The following RAD9A variants were observed in gnomAD, a reference collection of about 807,000 sequenced individuals.
RAD9A encodes the protein RAD9 checkpoint clamp component A, also known as cell cycle checkpoint control protein RAD9A.
RAD9A carries 25 observed loss-of-function variants against 41.2 expected under a neutral mutation model. The observed-to-expected ratio is 0.61, with a 90% CI of 0.44 to 0.85. The LOEUF (loss-of-function observed/expected upper bound fraction) is 0.85, where lower values mean the gene tolerates loss of function less well. Among genes scored for constraint, RAD9A ranks in the 40% least tolerant of loss-of-function variants. The pLI is 0.00. For missense variants in RAD9A, 514 were observed against 518.3 expected, an observed-to-expected ratio of 0.99 and a Z score of 0.08; for synonymous variants, 252 against 210.6, an observed-to-expected ratio of 1.20 and a Z score of -1.70.
chr11:67,396,070 A>G, intron 7 of RAD9A, 41 bp from the exon 8 acceptor site: 6 of 1,613,350 alleles, frequency 3.7e-6, no homozygotes, highest in Non-Finnish European at 4.2e-6. Context: ...TGCCCAGCTC[A>G]GCCCAGCCCG....
intron 5 of RAD9A, among the ~76,000 whole-genome samples, chr11:67,395,505 T>C (rs1435668594): frequency 1.3e-5 from 2 of 152,294 alleles, no homozygotes; most frequent in South Asian, 2.1e-4. Context: ...CTGGGCCCTC[T>C]CCCTGGTCTG....
chr11:67,397,713 T>C lies in RAD9A; in HGVS notation c.*154T>C, dbSNP rs1381436153. On this transcript the variant is annotated 3_prime_UTR_variant, in exon 11 of 11. Transcript: ENST00000307980. ...CTCGCAGGCCCCAGCTGGCTGTCAC[T>C]GTAAAGCTGTCCCACAGCGGTCGGG... is the stretch of plus-strand genomic sequence containing the variant. The C allele has an allele frequency of 2.7e-5, 19 of 709,418 alleles. No individual in the cohort carries two copies. The highest frequency in any genetic ancestry group is 4.1e-5 in the Non-Finnish European group (18 of 434,948). The allele number at this position is 709,418 out of a possible 1,614,324, so 43.9% of individuals were successfully genotyped here.
chr11:67,394,194 C>T (rs1790730), intron 5 of RAD9A, among the ~76,000 whole-genome samples: 15,487 of 152,300 alleles, frequency 0.1, 2,521 homozygotes, highest in African/African-American at 0.34. Flanking sequence ...ACCCCTTCTC[C>T]GGCCTGGGCA....
chr11:67,396,922 TAGCTGAGCTA>T (rs1862720223), intron 9 of RAD9A, among the ~76,000 whole-genome samples: 1 of 152,150 alleles, frequency 6.6e-6, no homozygotes, highest in African/African-American at 2.4e-5. Flanking sequence ...TCCTCCCTCC[TAGCTGAGCTA>T]AGGTAGCCCC....
rs762701313 is a variant in RAD9A, at chr11:67,395,988, G to C, written c.636G>C (p.Gly212=). The C allele has an allele frequency of 1.2e-6, 2 of 1,614,128 alleles. No homozygotes were observed. Among genetic ancestry groups the C allele is most frequent in the Non-Finnish European group, 1.7e-6 (2 of 1,180,024 alleles). The change falls in exon 7 of 11, where the codon GGG becomes GGC. Residue 212 remains glycine (G), a synonymous_variant. Coordinates refer to ENST00000307980, the MANE Select transcript of RAD9A (RefSeq NM_004584.3). ...TCCAGCAGCTGCAGGCCCAGGAAGGGGTGGCCATCACTTTCTGCCTCAAGG... is the reference window on the plus strand; with the variant it reads ...TCCAGCAGCTGCAGGCCCAGGAAGGCGTGGCCATCACTTTCTGCCTCAAGG... ...EDFQQLQAQE[G]VAITFCLKEF... is the part of the protein sequence containing the mutation.
At position 67,397,258 on chromosome 11, in the gene RAD9A, G is replaced by T. The variant is rs746104003; in HGVS notation, c.952G>T (p.Gly318Cys). Residue 318 changes from glycine to cysteine, a missense_variant, in exon 10 of 11, where the codon GGC becomes TGC. Transcript: ENST00000307980. ...CATGGAAACCACTATAGGCAATGAG[G>T]GCTCGCGGGTGCTGCCCTCCATTTC... ...IAMETTIGNEGSRVLPSISLS... is the reference protein window; with the variant it reads ...IAMETTIGNECSRVLPSISLS... 3 of 1,612,914 alleles carry T rather than the reference G, an allele frequency of 1.9e-6. No homozygotes were observed. The highest frequency in any genetic ancestry group is 1.7e-5 in the Admixed American group (1 of 60,014).
intron 10 of RAD9A, 36 bp from the exon 11 acceptor site, chr11:67,397,428 G>A (rs1862743901): frequency 1.3e-6 from 2 of 1,591,792 alleles, no homozygotes; most frequent in African/African-American, 1.3e-5. Flanking sequence ...GGTAGGGAAG[G>A]GAGCAGCCTC....
At chr11:67,397,109 G>C in intron 9 of RAD9A, 70 bp from the exon 10 acceptor site, 3 of 1,249,208 alleles carry the variant, frequency 2.4e-6, no homozygotes, top group Admixed American at 3.5e-5. Context: ...AGCTCCCTTC[G>C]AGCCCTCCAA....
chr11:67,392,223 G>GGT lies in RAD9A; in HGVS notation c.97_98insGT (p.Glu33GlyfsTer10). ...GGACGAGCTCTACCTGGAACCCTTGGAGGACGGGGTGAGGGGCTAGGGTGT... is the reference window on the plus strand; with the variant it reads ...GGACGAGCTCTACCTGGAACCCTTGGGTAGGACGGGGTGAGGGGCTAGGGTGT... On this transcript the variant is annotated frameshift_variant, in exon 2 of 11. Coordinates refer to ENST00000307980, the MANE Select transcript of RAD9A (RefSeq NM_004584.3). LOFTEE classifies it high-confidence loss of function. The GGT allele has an allele frequency of 7.1e-7, 1 of 1,402,874 alleles. No individual in the cohort carries two copies. Among genetic ancestry groups the GGT allele is most frequent in the Non-Finnish European group, 9.8e-7 (1 of 1,018,048 alleles). The allele number at this position is 1,402,874 out of a possible 1,614,324, so 86.9% of individuals were successfully genotyped here. A position where few individuals can be genotyped will look rare whatever the true frequency, so the allele number is the denominator to read the frequency against.
rs376658228 is a variant in RAD9A, at chr11:67,396,040, G to A, written c.669+19G>A. 30 of 1,613,650 alleles carry A rather than the reference G, an allele frequency of 1.9e-5. No homozygotes were observed. Among genetic ancestry groups the A allele is most frequent in the South Asian group, 6.6e-5 (6 of 91,070 alleles). On this transcript the variant is annotated intron_variant, in intron 7 of 10. Coordinates refer to ENST00000307980, the MANE Select transcript of RAD9A (RefSeq NM_004584.3). ...ATTCCGGGTGAGGTTCCTCCCAGGCGCTCGCCGTCCTGTCCTCCCTGCCCA... is the reference window on the plus strand; with the variant it reads ...ATTCCGGGTGAGGTTCCTCCCAGGCACTCGCCGTCCTGTCCTCCCTGCCCA...
Position 67,392,762 on chromosome 11 carries a change from C to T in RAD9A, c.214C>T (p.Arg72Cys), listed in dbSNP as rs1356709709. ...QAATPGQDLL[R>C]CKILMKSFLS... ...AGCCACCCCTGGTCAGGACCTGCTG[C>T]GCTGTAAGATCCTGATGAAGGTGAG... The change falls in exon 3 of 11, where the codon CGC becomes TGC. Residue 72 changes from arginine to cysteine, a missense_variant. Around this residue, in one of 3 missense-constraint regions of RAD9A, gnomAD observed 268 missense variants for 279.3 expected, o/e 0.96. Transcript: ENST00000307980. 3.7e-6 allele frequency: 6 copies of T among 1,613,882 alleles called. No individual in the cohort carries two copies. The highest frequency in any genetic ancestry group is 1.1e-5 in the South Asian group (1 of 91,084).
Position 67,392,226 on chromosome 11 carries a change from G to A in RAD9A, c.100G>A (p.Asp34Asn). ...CGAGCTCTACCTGGAACCCTTGGAG[G>A]ACGGGGTGAGGGGCTAGGGTGTGGG... ...GDELYLEPLE[D>N]GLSLRTVNSS... Residue 34 changes from aspartate (D) to asparagine (N), a missense_variant, in exon 2 of 11, where the codon GAC (aspartate) becomes AAC (asparagine). This residue lies in a region of RAD9A where 268 missense variants were observed against 279.3 expected (regional missense o/e 0.96). Transcript: ENST00000307980. 2.0e-6 allele frequency: 3 copies of A among 1,494,952 alleles called. No individual in the cohort carries two copies. The highest frequency in any genetic ancestry group is 2.8e-6 in the Non-Finnish European group (3 of 1,084,330). The allele number at this position is 1,494,952 out of a possible 1,614,324, so 92.6% of individuals were successfully genotyped here.
chr11:67,395,616 C>T (rs998848965), intron 5 of RAD9A, 100 bp from the exon 6 acceptor site: 5 of 893,880 alleles, frequency 5.6e-6, no homozygotes, highest in African/African-American at 5.0e-5. Context: ...GGCCTGCGCA[C>T]ATCCGTGCGT....
intron 6 of RAD9A, 29 bp downstream of exon 6, chr11:67,395,854 G>A (rs749502762): frequency 6.2e-6 from 10 of 1,612,814 alleles, no homozygotes; most frequent in Non-Finnish European, 8.5e-6. Flanking sequence ...GCCTGGGACA[G>A]CAGAGTGGCA....
Position 67,397,634 on chromosome 11 carries a change from C to T in RAD9A, c.*75C>T, listed in dbSNP as rs1294452641. ...CAGCCAGTGGCAGAACTGGGTCTCT[C>T]AGCCCTGGGGATCAGAAAGGTGGGC... On this transcript the variant is annotated 3_prime_UTR_variant, in exon 11 of 11. Transcript: ENST00000307980. The T allele has an allele frequency of 3.7e-6, 5 of 1,334,748 alleles. No homozygotes were observed. The highest frequency in any genetic ancestry group is 2.1e-5 in the Admixed American group (1 of 47,454). The allele number at this position is 1,334,748 out of a possible 1,614,324, so 82.7% of individuals were successfully genotyped here.
At position 67,398,344 on chromosome 11, in the gene RAD9A, C is replaced by T; in HGVS notation, c.*785C>T. On this transcript the variant is annotated 3_prime_UTR_variant, in exon 11 of 11. Transcript: ENST00000307980. ...ATCCTGCTCACAGTCACCGCAGGTG[C>T]AGGCAGGAAGCAGCCCTGGGGGACT... 1.6e-6 allele frequency: 1 copy of T among 629,410 alleles called. No homozygotes were observed. Among genetic ancestry groups the T allele is most frequent in the Non-Finnish European group, 2.7e-6 (1 of 371,098 alleles). The allele number at this position is 629,410 out of a possible 1,614,324, so 39.0% of individuals were successfully genotyped here. A position where few individuals can be genotyped will look rare whatever the true frequency, so the allele number is the denominator to read the frequency against.
rs1862754014 is a variant in RAD9A, at chr11:67,397,618, G to A, written c.*59G>A. The A allele has an allele frequency of 7.0e-7, 1 of 1,430,654 alleles. No individual in the cohort carries two copies. Among genetic ancestry groups the A allele is most frequent in the Non-Finnish European group, 9.6e-7 (1 of 1,037,752 alleles). 88.6% of individuals were successfully genotyped at this position (1,430,654 alleles called of 1,614,324 possible). The stretch of plus-strand genomic sequence containing the variant: ...GGACTAGACGAAGCCCCAGCCAGTG[G>A]CAGAACTGGGTCTCTCAGCCCTGGG... On this transcript the variant is annotated 3_prime_UTR_variant, in exon 11 of 11. Transcript: ENST00000307980.
chr11:67,392,616 C>G (rs376346355), intron 2 of RAD9A, 38 bp from the exon 3 acceptor site: 3 of 1,611,174 alleles, frequency 1.9e-6, no homozygotes, highest in Non-Finnish European at 1.7e-6. Flanking sequence ...TGTGGCTGCC[C>G]CCTGACCACG....
Sources: allele counts gnomAD v4.1 joint callset (sites outside exome capture counted in the v4.1 genomes callset), GRCh38; gene constraint gnomAD v4.1.1; regional missense constraint gnomAD v4.1.1; transcripts MANE v1.5; gene names NCBI Gene and HGNC (gene_info 2026-07-23, HGNC 2026-07-21).